The following STAC variants were observed in gnomAD, a reference collection of about 807,000 sequenced individuals.
STAC encodes SH3 and cysteine-rich domain-containing protein.
Under a neutral mutation model 48.8 loss-of-function variants are expected in STAC, and 43 were observed. The ratio of observed to expected loss-of-function variants is 0.88; its 90% CI spans 0.69 to 1.14. The LOEUF is 1.14. Ranked by LOEUF, STAC falls within the 50% of genes most tolerant of loss-of-function variation. STAC has a pLI of 0.00. For missense variants in STAC, 497 were observed against 504.0 expected (o/e 0.99, Z 0.13); for synonymous variants, 193 against 179.5 (o/e 1.07, Z -0.60).
At chr3:36,460,807 A>G (rs376997829) in intron 2 of STAC, among the ~76,000 whole-genome samples, 7 of 152,362 alleles carry the variant, frequency 4.6e-5, no homozygotes, top group African/African-American at 1.2e-4. Context: ...TACAGATTCA[A>G]TGCAATCCCT....
chr3:36,403,043 A>C (rs1406950805), intron 1 of STAC, among the ~76,000 whole-genome samples: 12 of 152,174 alleles, frequency 7.9e-5, no homozygotes, highest in Admixed American at 7.9e-4. Context: ...AGCCTTGAAA[A>C]CTTTCTAATT....
At chr3:36,510,903 C>T (rs1698521703) in intron 8 of STAC, among the ~76,000 whole-genome samples, 1 of 151,834 alleles carries the variant, frequency 6.6e-6, no homozygotes, top group Non-Finnish European at 1.5e-5. Flanking sequence ...ACATGTATAT[C>T]TATGTAACAA....
chr3:36,503,912 A>G (rs1417892316), intron 6 of STAC, among the ~76,000 whole-genome samples: 1 of 152,234 alleles, frequency 6.6e-6, no homozygotes, highest in African/African-American at 2.4e-5. Context: ...TAAAGCTTTA[A>G]TCTTCAAAAT....
At chr3:36,537,002 A>G (rs1427038825) in intron 10 of STAC, among the ~76,000 whole-genome samples, 1 of 152,158 alleles carries the variant, frequency 6.6e-6, no homozygotes, top group Non-Finnish European at 1.5e-5. Flanking sequence ...AAAGAGTACC[A>G]TGTCACTCCA....
intron 6 of STAC, among the ~76,000 whole-genome samples, chr3:36,499,695 T>C (rs186003239): frequency 1.5e-3 from 221 of 152,172 alleles, no homozygotes; most frequent in Non-Finnish European, 2.3e-3. Context: ...CTAGATTTTT[T>C]AAATGACCTA....
At chr3:36,496,669 G>A (rs1403900343) in intron 6 of STAC, among the ~76,000 whole-genome samples, 1 of 152,138 alleles carries the variant, frequency 6.6e-6, no homozygotes, top group Non-Finnish European at 1.5e-5. Context: ...ACTATTCCTG[G>A]ATGCATCATA....
intron 2 of STAC, among the ~76,000 whole-genome samples, chr3:36,466,347 T>C (rs191512819): frequency 5.0e-4 from 76 of 152,296 alleles, no homozygotes; most frequent in African/African-American, 1.8e-3. Context: ...GCTTCCAGAT[T>C]TGTTCTTTTT....
chr3:36,406,199 C>T (rs7625902), intron 1 of STAC, among the ~76,000 whole-genome samples: 13,127 of 152,232 alleles, frequency 0.086, 626 homozygotes, highest in African/African-American at 0.13. Flanking sequence ...AGGTCTGCTT[C>T]GCTGCACAGA....
At chr3:36,411,595 A>G (rs1359033082) in intron 1 of STAC, among the ~76,000 whole-genome samples, 1 of 152,198 alleles carries the variant, frequency 6.6e-6, no homozygotes, top group Non-Finnish European at 1.5e-5. Context: ...AACAAATTGC[A>G]CCATAGGAAT....
chr3:36,496,988 G>T (rs916113151), intron 6 of STAC, among the ~76,000 whole-genome samples: 1 of 151,390 alleles, frequency 6.6e-6, no homozygotes, highest in African/African-American at 2.4e-5. Context: ...TTACAAAATC[G>T]AATATTACCT....
chr3:36,480,228 G>T (rs1244378893), intron 2 of STAC, among the ~76,000 whole-genome samples: 2 of 152,162 alleles, frequency 1.3e-5, no homozygotes, highest in Non-Finnish European at 2.9e-5. Context: ...TGCTTTCAAA[G>T]TCCAGTCTTT....
intron 1 of STAC, among the ~76,000 whole-genome samples, chr3:36,398,434 A>AAGAGAGAG (rs1699917823): frequency 1.8e-4 from 12 of 65,188 alleles, no homozygotes; most frequent in Non-Finnish European, 2.9e-4. Context: ...GAAGGAAGGA[A>AAGAGAGAG]GGAAGGAAGG....
intron 2 of STAC, among the ~76,000 whole-genome samples, chr3:36,469,879 A>G (rs992236856): frequency 6.6e-6 from 1 of 151,516 alleles, no homozygotes; most frequent in East Asian, 1.9e-4. Context: ...TTTCCAGTGC[A>G]TTTTGCATTT....
At chr3:36,399,321 T>A (rs376582784) in intron 1 of STAC, among the ~76,000 whole-genome samples, 1 of 152,230 alleles carries the variant, frequency 6.6e-6, no homozygotes, top group Admixed American at 6.5e-5. Context: ...AGAGCAGTCG[T>A]TTCCCTTTTC....
chr3:36,393,902 G>GT (rs1034445693), intron 1 of STAC, among the ~76,000 whole-genome samples: 15 of 151,946 alleles, frequency 9.9e-5, no homozygotes, highest in Non-Finnish European at 2.1e-4. Context: ...CTGTGAAAAA[G>GT]TAAGTTTTGT....
intron 1 of STAC, among the ~76,000 whole-genome samples, chr3:36,404,620 T>C (rs981241913): frequency 5.3e-5 from 8 of 152,164 alleles, no homozygotes; most frequent in Non-Finnish European, 1.0e-4. Context: ...TTAAGTACAA[T>C]ATACTATATC....
At chr3:36,544,681 C>T (rs145400921) in intron 10 of STAC, among the ~76,000 whole-genome samples, 163 of 152,188 alleles carry the variant, frequency 1.1e-3, no homozygotes, top group African/African-American at 3.6e-3. Flanking sequence ...AGAACGTGCA[C>T]GTTTGTTAAC....
intron 2 of STAC, among the ~76,000 whole-genome samples, chr3:36,449,789 G>A (rs996412759): frequency 6.6e-6 from 1 of 152,190 alleles, no homozygotes. Context: ...AGGGGATACT[G>A]TTGTGCTCTG....
At chr3:36,519,067 C>A (rs534405813) in intron 8 of STAC, among the ~76,000 whole-genome samples, 1 of 152,208 alleles carries the variant, frequency 6.6e-6, no homozygotes, top group South Asian at 2.1e-4. Context: ...GGCTGGGAAG[C>A]CTTGTTAGTG....
Sources: allele counts gnomAD v4.1 joint callset (sites outside exome capture counted in the v4.1 genomes callset), GRCh38; gene constraint gnomAD v4.1.1; transcripts MANE v1.5; gene names NCBI Gene and HGNC (gene_info 2026-07-23, HGNC 2026-07-21).